The following OR10H5 variants were observed in gnomAD, a reference collection of about 807,000 sequenced individuals.
OR10H5 encodes olfactory receptor 10H5.
A neutral mutation model predicts 12.2 loss-of-function variants in OR10H5; 7 were observed. The observed-to-expected ratio is 0.57, with a 90% CI of 0.33 to 1.07. The LOEUF (loss-of-function observed/expected upper bound fraction) is 1.07. Among genes scored for constraint, OR10H5 ranks in the 50% least tolerant of loss-of-function variants. OR10H5 has a pLI of 0.04. For missense variants in OR10H5, 346 were observed against 411.6 expected, an observed-to-expected ratio of 0.84 and a Z score of 1.38; for synonymous variants, 159 against 175.1, an observed-to-expected ratio of 0.91 and a Z score of 0.73.
In OR10H5 at chr19:15,792,208, AT is replaced by A. The variant is rs376242011; in HGVS notation, c.-11-1823del. 7.5e-3 allele frequency among the ~76,000 whole-genome samples: 1,116 copies of A among 148,820 alleles called. 18 individuals carry two copies. The highest frequency in any genetic ancestry group is 0.026 in the African/African-American group (1,052 of 41,240). ...GTTGTTATTTCTATTTTTCATTATCATTTTTTTATTCGCATTTTTTAATTTT... is the reference window on the plus strand; with the variant it reads ...GTTGTTATTTCTATTTTTCATTATCATTTTTTATTCGCATTTTTTAATTTT... On this transcript the variant is annotated intron_variant, in intron 1 of 1. Coordinates refer to ENST00000642092, the MANE Select transcript of OR10H5 (RefSeq NM_001004466.2).
At position 15,794,120 on chromosome 19, in the gene OR10H5, G is replaced by A. The variant is rs750797490; in HGVS notation, c.72G>A (p.Gln24=). The change falls in exon 2 of 2, where the codon CAG becomes CAA. Residue 24 remains glutamine (Q), a synonymous_variant. Transcript: ENST00000642092. ...LVGFSAFPHL[Q]LMLFLLFLLM... ...GCTTCTCTGCCTTCCCCCACCTCCAGCTGATGCTCTTCCTGCTGTTCCTGC... is the reference window on the plus strand; with the variant it reads ...GCTTCTCTGCCTTCCCCCACCTCCAACTGATGCTCTTCCTGCTGTTCCTGC... The A allele has an allele frequency of 4.0e-5, 64 of 1,613,946 alleles. 1 individual carries two copies. Among genetic ancestry groups the A allele is most frequent in the South Asian group, 1.6e-4 (15 of 91,076 alleles).
In OR10H5 at chr19:15,794,877, A is replaced by C. The variant is rs1191709583; in HGVS notation, c.829A>C (p.Ile277Leu). The part of the protein sequence containing the change: ...QSPEGDTLMG[I>L]TYTVLTPFLS... ...TCCGGAAGGAGACACCTTGATGGGC[A>C]TCACCTACACGGTCCTCACACCCTT... Residue 277 changes from isoleucine (I) to leucine (L), a missense_variant, in exon 2 of 2, where the codon ATC (isoleucine) becomes CTC (leucine). By Grantham distance (5) the Ile-to-Leu change is conservative (BLOSUM62 2). Coordinates refer to ENST00000642092, the MANE Select transcript of OR10H5 (RefSeq NM_001004466.2). 2.5e-6 allele frequency: 4 copies of C among 1,614,072 alleles called. No homozygotes were observed. The highest frequency in any genetic ancestry group is 2.7e-5 in the African/African-American group (2 of 74,934).
rs1042051892 is a variant in OR10H5, at chr19:15,796,831, T to C, written c.*1835T>C. 6.6e-6 allele frequency: 1 copy of C among 151,630 alleles called. No homozygotes were observed. Among genetic ancestry groups the C allele is most frequent in the African/African-American group, 2.4e-5 (1 of 41,326 alleles). 9.4% of individuals were successfully genotyped at this position (151,630 alleles called of 1,614,324 possible). ...CCATTAAATCCGGGTTCCTGGGTTA[T>C]ATTAGAAGTTCCGGCCGGGTGCAGT... is the stretch of plus-strand genomic sequence containing the variant. On this transcript the variant is annotated 3_prime_UTR_variant, in exon 2 of 2. Transcript: ENST00000642092.
intron 1 of OR10H5, 37 bp from the exon 2 acceptor site, chr19:15,794,001 T>C (rs772971846): frequency 3.9e-6 from 6 of 1,555,924 alleles, no homozygotes; most frequent in Non-Finnish European, 5.3e-6. Context: ...CCTGTGCTCC[T>C]AACCACTGGG....
intron 1 of OR10H5, among the ~76,000 whole-genome samples, chr19:15,791,626 C>T (rs949894559): frequency 6.6e-6 from 1 of 152,124 alleles, no homozygotes; most frequent in Admixed American, 6.6e-5. Context: ...CTTCCCTTCC[C>T]TGCCCCCACC....
chr19:15,793,784 C>A (rs954209599), intron 1 of OR10H5, among the ~76,000 whole-genome samples: 3 of 152,142 alleles, frequency 2.0e-5, no homozygotes, highest in African/African-American at 7.2e-5. Context: ...GAGGCTGAGG[C>A]AGGAGAATCA....
At chr19:15,791,805 G>A (rs1183098331) in intron 1 of OR10H5, among the ~76,000 whole-genome samples, 1 of 151,314 alleles carries the variant, frequency 6.6e-6, no homozygotes, top group African/African-American at 2.4e-5. Context: ...CCATTCTCCT[G>A]CCTCAGCCTC....
chr19:15,795,841 A>C lies in OR10H5; in HGVS notation c.*845A>C, dbSNP rs951737396. 6.6e-6 allele frequency: 1 copy of C among 152,238 alleles called. No homozygotes were observed. Among genetic ancestry groups the C allele is most frequent in the Middle Eastern group, 3.2e-3 (1 of 316 alleles). The allele number at this position is 152,238 out of a possible 1,614,324, so 9.4% of individuals were successfully genotyped here. A position where few individuals can be genotyped will look rare whatever the true frequency, so the allele number is the denominator to read the frequency against. On this transcript the variant is annotated 3_prime_UTR_variant, in exon 2 of 2. Coordinates refer to ENST00000642092, the MANE Select transcript of OR10H5 (RefSeq NM_001004466.2). ...GCCCAGGCTGGAGTGCAGTAGTCCA[A>C]TCATGGCTAAGTGCAGCGTCAACTT...
chr19:15,794,568 A>T lies in OR10H5; in HGVS notation c.520A>T (p.Ile174Phe), dbSNP rs1406857925. The change falls in exon 2 of 2, where the codon ATC becomes TTC. Residue 174 changes from isoleucine to phenylalanine, a missense_variant. Coordinates refer to ENST00000642092, the MANE Select transcript of OR10H5 (RefSeq NM_001004466.2). ...CCTCGCCTTCTGTGGACACAAGGAG[A>T]TCCACCATTTCTTCTGCCACGTGCC... ...FHLAFCGHKE[I>F]HHFFCHVPPL... 1 of 1,614,136 alleles carries T rather than the reference A, an allele frequency of 6.2e-7. No individual in the cohort carries two copies. Among genetic ancestry groups the T allele is most frequent in the Admixed American group, 1.7e-5 (1 of 60,018 alleles).
intron 1 of OR10H5, among the ~76,000 whole-genome samples, chr19:15,790,065 G>T (rs2088802694): frequency 1.3e-5 from 2 of 152,184 alleles, no homozygotes; most frequent in South Asian, 4.1e-4. Flanking sequence ...GGGATTATAG[G>T]TGTGAGCCAC....
rs531528782 is a variant in OR10H5 at position 15,795,451 on chromosome 19, G to A, written c.*455G>A. On this transcript the variant is annotated 3_prime_UTR_variant, in exon 2 of 2. Coordinates refer to ENST00000642092, the MANE Select transcript of OR10H5 (RefSeq NM_001004466.2). ...AGCGATTCTCCTGCCTCAGCCTCCCGACTAGCTGGGATTACAGGCACACAC... is the reference window on the plus strand; with the variant it reads ...AGCGATTCTCCTGCCTCAGCCTCCCAACTAGCTGGGATTACAGGCACACAC... 161 of 167,202 alleles carry A rather than the reference G, an allele frequency of 9.6e-4. No homozygotes were observed. The highest frequency in any genetic ancestry group is 3.7e-3 in the African/African-American group (153 of 41,540). The allele number at this position is 167,202 out of a possible 1,614,324, so 10.4% of individuals were successfully genotyped here. A position where few individuals can be genotyped will look rare whatever the true frequency, so the allele number is the denominator to read the frequency against.
chr19:15,792,547 C>A (rs1335080716), intron 1 of OR10H5, among the ~76,000 whole-genome samples: 1 of 152,112 alleles, frequency 6.6e-6, no homozygotes. Context: ...GTCACTGCAA[C>A]CTCTCTCTCC....
chr19:15,797,696 T>TAAAC lies in OR10H5; in HGVS notation c.*2703_*2704insCAAA, dbSNP rs1169997892. The TAAAC allele has an allele frequency of 6.6e-6, 1 of 152,106 alleles. No individual in the cohort carries two copies. Among genetic ancestry groups the TAAAC allele is most frequent in the African/African-American group, 2.4e-5 (1 of 41,412 alleles). The allele number at this position is 152,106 out of a possible 1,614,324, so 9.4% of individuals were successfully genotyped here. On this transcript the variant is annotated 3_prime_UTR_variant, in exon 2 of 2. Transcript: ENST00000642092. ...CACCTCACCTCCTTTAAACATTATT[T>TAAAC]AAAATGTTGACATTTTGTTCACCGT...
intron 1 of OR10H5, among the ~76,000 whole-genome samples, chr19:15,793,009 T>A (rs761877116): frequency 6.6e-6 from 1 of 152,174 alleles, no homozygotes; most frequent in Non-Finnish European, 1.5e-5. Context: ...GGAATAATAA[T>A]TATTATTTTT....
chr19:15,793,386 G>A (rs1171468888), intron 1 of OR10H5, among the ~76,000 whole-genome samples: 2 of 152,100 alleles, frequency 1.3e-5, no homozygotes, highest in African/African-American at 4.8e-5. Flanking sequence ...CTCTGACGTA[G>A]CTGGGACCAC....
rs2088833742 is a variant in OR10H5, at chr19:15,795,152, C to CTACA, written c.*157_*160dup. The CTACA allele has an allele frequency of 1.1e-5, 7 of 647,852 alleles. No individual in the cohort carries two copies. The East Asian group carries it at 2.0e-4, about 19-fold the overall frequency. 40.1% of individuals were successfully genotyped at this position (647,852 alleles called of 1,614,324 possible). ...CTCCTTTCCTCCCTCCTTCTCTGACCTACAGTCCACCCTCCCTCCCCCCTC... is the reference window on the plus strand; with the variant it reads ...CTCCTTTCCTCCCTCCTTCTCTGACCTACATACAGTCCACCCTCCCTCCCCCCTC... On this transcript the variant is annotated 3_prime_UTR_variant, in exon 2 of 2. Coordinates refer to ENST00000642092, the MANE Select transcript of OR10H5 (RefSeq NM_001004466.2).
chr19:15,792,874 A>C (rs548533470), intron 1 of OR10H5, among the ~76,000 whole-genome samples: 2 of 152,140 alleles, frequency 1.3e-5, no homozygotes, highest in South Asian at 4.1e-4. Flanking sequence ...ATTATTATCC[A>C]TTTCTTTTAG....
chr19:15,790,159 G>A (rs2088803187), intron 1 of OR10H5, among the ~76,000 whole-genome samples: 1 of 152,132 alleles, frequency 6.6e-6, no homozygotes, highest in Non-Finnish European at 1.5e-5. Flanking sequence ...AGCCAGGAGA[G>A]AGGAAGAGGT....
rs148208149 is a variant in OR10H5, at chr19:15,794,125, T to C, written c.77T>C (p.Met26Thr). The change falls in exon 2 of 2, where the codon ATG becomes ACG. Residue 26 changes from methionine to threonine, a missense_variant. Coordinates refer to ENST00000642092, the MANE Select transcript of OR10H5 (RefSeq NM_001004466.2). ...TCTGCCTTCCCCCACCTCCAGCTGA[T>C]GCTCTTCCTGCTGTTCCTGCTGATG... ...GFSAFPHLQLMLFLLFLLMYL... is the reference protein window; with the variant it reads ...GFSAFPHLQLTLFLLFLLMYL... 932 of 1,614,052 alleles carry C rather than the reference T, an allele frequency of 5.8e-4. No individual in the cohort carries two copies. The highest frequency in any genetic ancestry group is 7.4e-4 in the Non-Finnish European group (876 of 1,180,026).
Sources: gnomAD v4.1 joint callset for allele counts (sites outside exome capture counted in the v4.1 genomes callset) on GRCh38, gnomAD v4.1.1 for gene constraint, MANE v1.5 for transcripts, NCBI Gene and HGNC (gene_info 2026-07-23, HGNC 2026-07-21) for gene names.